Variants in SGCD observed in about 807,000 individuals in gnomAD.
The protein encoded by SGCD is sarcoglycan delta, also known as delta-sarcoglycan.
A neutral mutation model predicts 36.6 loss-of-function variants in SGCD; 18 were observed. The observed-to-expected ratio is 0.49, with a 90% CI of 0.34 to 0.73. The LOEUF is 0.73. Ranked by LOEUF, SGCD falls within the 30% of genes least tolerant of loss-of-function variation. The pLI, the probability that SGCD is intolerant of heterozygous loss-of-function variation, is 0.01. For missense variants in SGCD, 387 were observed against 346.7 expected, an observed-to-expected ratio of 1.12 and a Z score of -0.92; for synonymous variants, 133 against 130.6, an observed-to-expected ratio of 1.02 and a Z score of -0.12.
the SGCD span, among the ~76,000 whole-genome samples, chr5:155,797,360 T>C: frequency 0.29 from 43,738 of 152,126 alleles, 7,834 homozygotes; most frequent in East Asian, 0.45. Flanking sequence ...CTGCAAAAAC[T>C]CTAAGAACTT....
At chr5:156,078,134 C>G (rs1052167212) in intron 1 of SGCD, among the ~76,000 whole-genome samples, 2 of 151,980 alleles carry the variant, frequency 1.3e-5, no homozygotes, top group African/African-American at 4.8e-5. Flanking sequence ...CCTTATCTCT[C>G]TTGGAGCACT....
At chr5:156,363,104 ATT>A (rs1769896593) in intron 3 of SGCD, among the ~76,000 whole-genome samples, 1 of 151,996 alleles carries the variant, frequency 6.6e-6, no homozygotes, top group East Asian at 1.9e-4. Context: ...TTGCAGCTAA[ATT>A]AAAGCTTAAT....
Position 156,445,670 on chromosome 5 carries a change from G to A in SGCD, c.193-62931G>A, listed in dbSNP as rs373757532. The stretch of plus-strand genomic sequence containing the variant: ...AAGTCACTTAACCTCTCTGTGCTTT[G>A]GTTTCCTTCTCTACAAAATGACATC... On this transcript the variant is annotated intron_variant, in intron 3 of 8. Coordinates refer to ENST00000337851, the MANE Select transcript of SGCD (RefSeq NM_000337.6). Among the ~76,000 whole-genome samples the A allele has an allele frequency of 7.2e-5, 11 of 152,122 alleles. No homozygotes were observed. The East Asian group carries it at 9.7e-4, about 13-fold the overall frequency.
intron 1 of SGCD, among the ~76,000 whole-genome samples, chr5:156,033,971 A>G (rs558204937): frequency 6.6e-6 from 1 of 152,278 alleles, no homozygotes; most frequent in Non-Finnish European, 1.5e-5. Flanking sequence ...CTTTCTACCA[A>G]GGGAAAACTG....
the SGCD span, among the ~76,000 whole-genome samples, chr5:155,795,465 T>A: frequency 6.6e-6 from 1 of 152,136 alleles, no homozygotes; most frequent in African/African-American, 2.4e-5. Flanking sequence ...TGTTTTTGAC[T>A]GTAATTATTA....
At chr5:156,584,504 G>A (rs914661532) in intron 4 of SGCD, among the ~76,000 whole-genome samples, 1 of 152,146 alleles carries the variant, frequency 6.6e-6, no homozygotes, top group African/African-American at 2.4e-5. Flanking sequence ...GATTAATAAG[G>A]GGCAGTTGAA....
intron 7 of SGCD, among the ~76,000 whole-genome samples, chr5:156,681,250 A>G (rs1003602020): frequency 2.0e-5 from 3 of 152,174 alleles, no homozygotes; most frequent in African/African-American, 7.2e-5. Context: ...TCTCAGCAGA[A>G]AGGCTGGAAA....
In SGCD at chr5:155,925,530, C is replaced by A. The variant is rs190504611; in HGVS notation, c.-282+55106C>A. Among the ~76,000 whole-genome samples the A allele has an allele frequency of 1.0e-3, 156 of 152,280 alleles. 1 individual carries two copies. The highest frequency in any genetic ancestry group is 3.7e-3 in the African/African-American group (152 of 41,562). ...GTAGCGTCACTCCAATCAGACTCTG[C>A]CTCTGTTTTTACATGGCTGCCTTCC... On this transcript the variant is annotated intron_variant, in intron 1 of 9. Transcript: ENST00000517913.
In SGCD at chr5:156,423,249, ATAT is replaced by A. The variant is rs1183806843; in HGVS notation, c.192+78576_192+78578del. ...ATATTGTATTATATTATATTTTATA[ATAT>A]TATATTTTATTATAATATAACATTA... is the stretch of plus-strand genomic sequence containing the variant. On this transcript the variant is annotated intron_variant, in intron 3 of 8. Transcript: ENST00000337851. 3.3e-4 allele frequency among the ~76,000 whole-genome samples: 41 copies of A among 123,792 alleles called. 3 individuals are homozygous for A. Among genetic ancestry groups the A allele is most frequent in the African/African-American group, 7.7e-4 (24 of 31,082 alleles). The allele number at this position is 123,792 out of a possible 152,430, so 81.2% of individuals were successfully genotyped here.
chr5:156,446,941 T>C (rs1050834411), intron 3 of SGCD, among the ~76,000 whole-genome samples: 2 of 152,126 alleles, frequency 1.3e-5, no homozygotes, highest in African/African-American at 2.4e-5. Flanking sequence ...CCCAAGGTCA[T>C]CCATCAAATA....
intron 6 of SGCD, among the ~76,000 whole-genome samples, chr5:156,604,898 C>A (rs1370557443): frequency 6.7e-6 from 1 of 150,362 alleles, no homozygotes; most frequent in Non-Finnish European, 1.5e-5. Context: ...GTGTATGTTT[C>A]TTAACCACTA....
At chr5:156,271,692 T>C (rs925904973) in intron 3 of SGCD, among the ~76,000 whole-genome samples, 1 of 152,058 alleles carries the variant, frequency 6.6e-6, no homozygotes, top group Non-Finnish European at 1.5e-5. Context: ...CAGCAGTCCT[T>C]GGGAGCTATT....
At chr5:156,503,104 A>T (rs1756527237) in intron 3 of SGCD, among the ~76,000 whole-genome samples, 1 of 152,238 alleles carries the variant, frequency 6.6e-6, no homozygotes, top group Non-Finnish European at 1.5e-5. Flanking sequence ...GAAAGATTAA[A>T]TTACTTATTG....
chr5:156,240,045 G>T (rs963343999), intron 3 of SGCD, among the ~76,000 whole-genome samples: 1 of 152,134 alleles, frequency 6.6e-6, no homozygotes, highest in African/African-American at 2.4e-5. Context: ...AACTTGACAG[G>T]CTCACTTGTC....
chr5:156,654,797 G>A (rs1248494975), intron 7 of SGCD, among the ~76,000 whole-genome samples: 1 of 152,090 alleles, frequency 6.6e-6, no homozygotes, highest in Non-Finnish European at 1.5e-5. Flanking sequence ...AATTTATACA[G>A]ATAATTCTCA....
In SGCD at chr5:155,992,058, A is replaced by C. The variant is rs941260593; in HGVS notation, c.-282+121634A>C. ...TTCAAAGCTCTGAGATCCTCTTTTCAAATTGGCATATGCCTTTGAATTTTA... is the reference window on the plus strand; with the variant it reads ...TTCAAAGCTCTGAGATCCTCTTTTCCAATTGGCATATGCCTTTGAATTTTA... On this transcript the variant is annotated intron_variant, in intron 1 of 9. Transcript: ENST00000517913. Among the ~76,000 whole-genome samples, 14 of 152,150 alleles carry C rather than the reference A, an allele frequency of 9.2e-5. 1 individual carries two copies. The highest frequency in any genetic ancestry group is 4.6e-4 in the Admixed American group (7 of 15,280).
chr5:155,799,724 T>C, the SGCD span, among the ~76,000 whole-genome samples: 1 of 151,764 alleles, frequency 6.6e-6, no homozygotes, highest in African/African-American at 2.4e-5. Context: ...ACTACTTTTA[T>C]TTCCTTTTTT....
intron 3 of SGCD, among the ~76,000 whole-genome samples, chr5:156,157,575 G>A (rs1035260762): frequency 1.2e-4 from 18 of 151,736 alleles, no homozygotes; most frequent in Non-Finnish European, 2.4e-4. Flanking sequence ...ATCAAGGGGG[G>A]AAAATATTTT....
intron 7 of SGCD, among the ~76,000 whole-genome samples, chr5:156,660,282 C>A (rs974020115): frequency 3.6e-3 from 551 of 151,454 alleles, no homozygotes; most frequent in African/African-American, 0.013. Flanking sequence ...TATCATCATC[C>A]CTTCTTCCTC....
Sources: allele counts gnomAD v4.1 joint callset (sites outside exome capture counted in the v4.1 genomes callset), GRCh38; gene constraint gnomAD v4.1.1; transcripts MANE v1.5; gene names NCBI Gene and HGNC (gene_info 2026-07-23, HGNC 2026-07-21).